Variants in CRYZ observed in about 807,000 individuals in gnomAD.
CRYZ encodes crystallin zeta, also known as zeta-crystallin.
Under a neutral mutation model 34.1 loss-of-function variants are expected in CRYZ, and 35 were observed. The ratio of observed to expected loss-of-function variants is 1.03; its 90% CI spans 0.78 to 1.36. The LOEUF is 1.36. Ranked by LOEUF, CRYZ falls within the 40% of genes most tolerant of loss-of-function variation. The pLI is 0.00. For synonymous variants in CRYZ, 137 were observed against 136.5 expected (o/e 1.00, Z -0.03); for missense variants, 403 against 391.8 (o/e 1.03, Z -0.24).
chr1:74,720,150 T>G lies in CRYZ; in HGVS notation c.265-778A>C, dbSNP rs544932387. ...AGCAGTCAATATAAACTGTTATTTT[T>G]GTCCAAAATGCTAGGGAGAAGAAAC... On this transcript the variant is annotated intron_variant, in intron 3 of 8. Transcript: ENST00000340866. 3.0e-3 allele frequency among the ~76,000 whole-genome samples: 454 copies of G among 152,204 alleles called. 2 individuals carry two copies. The highest frequency in any genetic ancestry group is 5.6e-3 in the Non-Finnish European group (379 of 67,972).
At chr1:74,711,536 C>T (rs926396519) in intron 5 of CRYZ, among the ~76,000 whole-genome samples, 1 of 152,146 alleles carries the variant, frequency 6.6e-6, no homozygotes, top group Non-Finnish European at 1.5e-5. Flanking sequence ...ATGTCTTTGG[C>T]CAGATTAACT....
chr1:74,724,853 T>A lies in CRYZ; in HGVS notation c.-13-19A>T. 2 of 1,384,294 alleles carry A rather than the reference T, an allele frequency of 1.4e-6. No individual in the cohort carries two copies. The highest frequency in any genetic ancestry group is 2.0e-6 in the Non-Finnish European group (2 of 978,382). 85.8% of individuals were successfully genotyped at this position (1,384,294 alleles called of 1,614,324 possible). On this transcript the variant is annotated intron_variant, in intron 1 of 8. Transcript: ENST00000340866. The stretch of plus-strand genomic sequence containing the variant: ...CTAGATACTAAGGAAGAAAAAAAAT[T>A]AATGTATTGTCACATTGTATCTAGG...
At chr1:74,727,802 T>C (rs1316755612) in intron 1 of CRYZ, among the ~76,000 whole-genome samples, 1 of 152,112 alleles carries the variant, frequency 6.6e-6, no homozygotes, top group Non-Finnish European at 1.5e-5. Context: ...GAGATTTGGG[T>C]GGCGACAGAG....
At chr1:74,711,294 G>T (rs1646999438) in intron 5 of CRYZ, among the ~76,000 whole-genome samples, 2 of 152,182 alleles carry the variant, frequency 1.3e-5, no homozygotes, top group Admixed American at 1.3e-4. Flanking sequence ...CTTTAAAAAG[G>T]TTGCTCCAAT....
At position 74,706,331 on chromosome 1, in the gene CRYZ, T is replaced by G. The variant is rs1646928136; in HGVS notation, c.955A>C (p.Ser319Arg). Residue 319 changes from serine to arginine, a missense_variant, in exon 9 of 9, where the codon AGT becomes CGT. By Grantham distance (110) the Ser-to-Arg change is moderately radical. Transcript: ENST00000340866. The stretch of plus-strand genomic sequence containing the variant: ...AGAATCATTTTTCCAGTAGCCCCAC[T>G]ACCATGAATGATATTTTCATGAGCC... ...AEAHENIIHG[S>R]GATGKMILLL 1 of 1,610,754 alleles carries G rather than the reference T, an allele frequency of 6.2e-7. No homozygotes were observed. The highest frequency in any genetic ancestry group is 1.3e-5 in the African/African-American group (1 of 74,694).
chr1:74,714,641 A>G lies in CRYZ; in HGVS notation c.429-11T>C, dbSNP rs79201095. The G allele has an allele frequency of 1.5e-4, 249 of 1,613,496 alleles. No homozygotes were observed. In the African/African-American group the frequency reaches 2.9e-3, roughly 19 times the overall value. On this transcript the variant is annotated splice_polypyrimidine_tract_variant and intron_variant, in intron 4 of 8. Coordinates refer to ENST00000340866, the MANE Select transcript of CRYZ (RefSeq NM_001889.4). ...GCTTTCACACAGGCACTGCAAAGGAAAGCATAAGTTACATCACCTTATTTT... is the reference window on the plus strand; with the variant it reads ...GCTTTCACACAGGCACTGCAAAGGAGAGCATAAGTTACATCACCTTATTTT...
Position 74,719,930 on chromosome 1 carries a change from G to A in CRYZ, c.265-558C>T, listed in dbSNP as rs544266431. On this transcript the variant is annotated intron_variant, in intron 3 of 8. Coordinates refer to ENST00000340866, the MANE Select transcript of CRYZ (RefSeq NM_001889.4). ...TGAATGGCATCATAATGATGTTGAT[G>A]GCTCAGTCCATGAAGAGCTTGCTAT... Among the ~76,000 whole-genome samples the A allele has an allele frequency of 1.3e-3, 193 of 152,186 alleles. 1 individual carries two copies. Among genetic ancestry groups the A allele is most frequent in the African/African-American group, 4.5e-3 (185 of 41,528 alleles).
chr1:74,721,924 G>T (rs1170117406), intron 3 of CRYZ, among the ~76,000 whole-genome samples: 1 of 152,188 alleles, frequency 6.6e-6, no homozygotes, highest in Non-Finnish European at 1.5e-5. Context: ...AATGTTGCTA[G>T]AGTGACTCAG....
In CRYZ at chr1:74,710,121, C is replaced by T. The variant is rs1646981429; in HGVS notation, c.607G>A (p.Val203Met). Residue 203 changes from valine to methionine, a missense_variant, in exon 6 of 9, where the codon GTG becomes ATG. Physicochemically the swap from Val to Met is conservative, Grantham distance 21. Coordinates refer to ENST00000340866, the MANE Select transcript of CRYZ (RefSeq NM_001889.4). The stretch of plus-strand genomic sequence containing the variant: ...ACCTTAATTTTATCAATGTAATTCA[C>T]TTCTCTGTGATTGAACACTTCATGG... ...GAHEVFNHRE[V>M]NYIDKIKKYV... 1 of 1,613,292 alleles carries T rather than the reference C, an allele frequency of 6.2e-7. No individual in the cohort carries two copies. Among genetic ancestry groups the T allele is most frequent in the Non-Finnish European group, 8.5e-7 (1 of 1,179,590 alleles).
chr1:74,732,379 A>C (rs1244473936), intron 1 of CRYZ, among the ~76,000 whole-genome samples: 1 of 142,164 alleles, frequency 7.0e-6, no homozygotes, highest in African/African-American at 2.7e-5. Context: ...TACCTAGGAG[A>C]AGAAATCAAA....
intron 8 of CRYZ, 127 bp from the exon 9 acceptor site, chr1:74,706,584 T>C: frequency 1.1e-6 from 1 of 881,828 alleles, no homozygotes; most frequent in Non-Finnish European, 1.7e-6. Context: ...GTGACTTTTG[T>C]CAACTTGTCC....
At chr1:74,726,560 C>T (rs1647351763) in intron 1 of CRYZ, among the ~76,000 whole-genome samples, 1 of 152,186 alleles carries the variant, frequency 6.6e-6, no homozygotes. Context: ...AGAGCGACTG[C>T]CGCAAAGGCC....
chr1:74,721,571 T>A (rs1647164685), intron 3 of CRYZ, among the ~76,000 whole-genome samples: 1 of 152,132 alleles, frequency 6.6e-6, no homozygotes, highest in South Asian at 2.1e-4. Context: ...AAAGAGAAAG[T>A]GTCTATTATA....
At chr1:74,719,893 G>A (rs1647134424) in intron 3 of CRYZ, among the ~76,000 whole-genome samples, 1 of 152,028 alleles carries the variant, frequency 6.6e-6, no homozygotes, top group Non-Finnish European at 1.5e-5. Flanking sequence ...GAAAAAGAAG[G>A]ATAAACTTCC....
chr1:74,712,457 C>T (rs886159817), intron 5 of CRYZ, among the ~76,000 whole-genome samples: 2 of 151,966 alleles, frequency 1.3e-5, no homozygotes, highest in Non-Finnish European at 2.9e-5. Flanking sequence ...GGACCGGGTT[C>T]GGCAAGAAAA....
At chr1:74,723,592 G>A (rs1043398224) in intron 2 of CRYZ, among the ~76,000 whole-genome samples, 1 of 152,060 alleles carries the variant, frequency 6.6e-6, no homozygotes, top group Non-Finnish European at 1.5e-5. Flanking sequence ...GTACTTCTTC[G>A]CCTCCCTCAT....
At chr1:74,706,693 C>T (rs571041288) in intron 8 of CRYZ, among the ~76,000 whole-genome samples, 1 of 152,158 alleles carries the variant, frequency 6.6e-6, no homozygotes, top group Admixed American at 6.6e-5. Context: ...GAAATTATTA[C>T]TAGTATCACA....
chr1:74,706,340 T>C lies in CRYZ; in HGVS notation c.946A>G (p.Ile316Val). Residue 316 changes from isoleucine (I) to valine (V), a missense_variant, in exon 9 of 9, where the codon ATT becomes GTT. Ile to Val is a conservative substitution (Grantham distance 29, BLOSUM62 3). Coordinates refer to ENST00000340866, the MANE Select transcript of CRYZ (RefSeq NM_001889.4). ...TTTCCAGTAGCCCCACTACCATGAA[T>C]GATATTTTCATGAGCCTCGGCCACC... ...EKVAEAHENIIHGSGATGKMI... is the reference protein window; with the variant it reads ...EKVAEAHENIVHGSGATGKMI... 1.2e-6 allele frequency: 2 copies of C among 1,612,138 alleles called. No individual in the cohort carries two copies. Among genetic ancestry groups the C allele is most frequent in the South Asian group, 1.1e-5 (1 of 90,726 alleles).
intron 1 of CRYZ, among the ~76,000 whole-genome samples, chr1:74,730,227 C>T (rs1434506372): frequency 6.6e-6 from 1 of 152,166 alleles, no homozygotes; most frequent in African/African-American, 2.4e-5. Context: ...TTGCCCAGTA[C>T]TATCTGACTA....
Sources: gnomAD v4.1 joint callset for allele counts (sites outside exome capture counted in the v4.1 genomes callset) on GRCh38, gnomAD v4.1.1 for gene constraint, MANE v1.5 for transcripts, NCBI Gene and HGNC (gene_info 2026-07-23, HGNC 2026-07-21) for gene names.